The following S100A7 variants were observed in gnomAD, a reference collection of about 807,000 sequenced individuals.
S100A7 encodes S100 calcium binding protein A7.
In S100A7, 2 loss-of-function variants were observed where a neutral mutation model predicts 3.8. The ratio of observed to expected loss-of-function variants is 0.53; its 90% CI spans 0.22 to 1.67. S100A7 has a LOEUF of 1.67. Among genes scored for constraint, S100A7 ranks in the 40% most tolerant of loss-of-function variants. The probability of loss-of-function intolerance (pLI) is 0.20; values close to 1 mark genes in which losing one functional copy is unlikely to be tolerated. For synonymous variants in S100A7, 55 were observed against 45.9 expected (o/e 1.20, Z -0.80); for missense variants, 130 against 126.3 (o/e 1.03, Z -0.14).
At position 153,458,449 on chromosome 1, in the gene S100A7, T is replaced by G. The variant is rs899723768; in HGVS notation, c.141+424A>C. Among the ~76,000 whole-genome samples the G allele has an allele frequency of 7.2e-5, 11 of 151,936 alleles. No individual in the cohort carries two copies. In the East Asian group the frequency reaches 9.7e-4, roughly 13 times the overall value. Reference sequence around the variant, plus strand: ...CCCTTTGGTACCTAGTAGCCCACAGTTTTTTTTCAGATTTGCTAATGAGTC... The same window carrying G: ...CCCTTTGGTACCTAGTAGCCCACAGGTTTTTTTCAGATTTGCTAATGAGTC... On this transcript the variant is annotated intron_variant, in intron 2 of 2. Coordinates refer to ENST00000368723, the MANE Select transcript of S100A7 (RefSeq NM_002963.4).
chr1:153,459,102 G>T, intron 1 of S100A7, 72 bp from the exon 2 acceptor site: 1 of 1,546,072 alleles, frequency 6.5e-7, no homozygotes, highest in South Asian at 1.2e-5. Flanking sequence ...GTGCTGGAAG[G>T]AGGGCTGAGG....
chr1:153,458,443 CCA>C (rs1663740338), intron 2 of S100A7, among the ~76,000 whole-genome samples: 1 of 152,114 alleles, frequency 6.6e-6, no homozygotes, highest in Admixed American at 6.5e-5. Context: ...ACCTAGTAGC[CCA>C]CAGTTTTTTT....
chr1:153,459,433 G>A (rs1212705356), intron 1 of S100A7, among the ~76,000 whole-genome samples: 3 of 152,228 alleles, frequency 2.0e-5, no homozygotes, highest in Non-Finnish European at 4.4e-5. Flanking sequence ...CGGGGTGACA[G>A]TCATGGGGGC....
At position 153,457,916 on chromosome 1, in the gene S100A7, C is replaced by T. The variant is rs1211035538; in HGVS notation, c.196G>A (p.Glu66Lys). ...ADVFEKKDKN[E>K]DKKIDFSEFL... ...TCAGAAAAATCAATCTTCTTATCCT[C>T]ATTCTTGTCCTTTTTCTCAAAGACA... The change falls in exon 3 of 3, where the codon GAG (glutamate) becomes AAG (lysine). Residue 66 changes from glutamate (E) to lysine (K), a missense_variant. Glu to Lys is a moderately conservative substitution (Grantham distance 56). Coordinates refer to ENST00000368723, the MANE Select transcript of S100A7 (RefSeq NM_002963.4). The T allele has an allele frequency of 1.9e-6, 3 of 1,614,064 alleles. No homozygotes were observed. The highest frequency in any genetic ancestry group is 2.5e-6 in the Non-Finnish European group (3 of 1,180,046).
intron 1 of S100A7, among the ~76,000 whole-genome samples, chr1:153,460,040 T>G (rs1213826637): frequency 2.0e-5 from 3 of 152,218 alleles, no homozygotes; most frequent in Non-Finnish European, 4.4e-5. Flanking sequence ...AGAGCTTTTT[T>G]GAATCTGAGG....
At chr1:153,460,140 C>T (rs112863917) in intron 1 of S100A7, among the ~76,000 whole-genome samples, 60 of 152,328 alleles carry the variant, frequency 3.9e-4, no homozygotes, top group African/African-American at 1.4e-3. Flanking sequence ...TTTCTCAATA[C>T]CTTACCCAGG....
chr1:153,459,589 G>A (rs1365035474), intron 1 of S100A7, among the ~76,000 whole-genome samples: 4 of 152,210 alleles, frequency 2.6e-5, no homozygotes, highest in Admixed American at 6.5e-5. Context: ...GTGGACGTGA[G>A]TGTTAGCAGG....
Position 153,457,844 on chromosome 1 carries a change from T to C in S100A7, c.268A>G (p.Ser90Gly), listed in dbSNP as rs1452118730. The change falls in exon 3 of 3, where the codon AGC becomes GGC. Residue 90 changes from serine (S) to glycine (G), a missense_variant. Physicochemically the swap from Ser to Gly is moderately conservative, Grantham distance 56. Coordinates refer to ENST00000368723, the MANE Select transcript of S100A7 (RefSeq NM_002963.4). ...GDIATDYHKQ[S>G]HGAAPCSGGS... is the part of the protein sequence containing the mutation. ...CCGGAACAGGGCGCTGCTCCATGGC[T>C]CTGCTTGTGGTAGTCTGTGGCTATG... 4.3e-6 allele frequency: 7 copies of C among 1,614,180 alleles called. No individual in the cohort carries two copies. The highest frequency in any genetic ancestry group is 5.9e-6 in the Non-Finnish European group (7 of 1,180,030).
intron 2 of S100A7, among the ~76,000 whole-genome samples, chr1:153,458,505 T>C (rs1557869154): frequency 6.6e-6 from 1 of 152,172 alleles, no homozygotes; most frequent in African/African-American, 2.4e-5. Context: ...TATTGATTTC[T>C]ACTAACAATG....
intron 1 of S100A7, 137 bp downstream of exon 1, chr1:153,460,471 C>T (rs1430170449): frequency 1.7e-6 from 1 of 595,802 alleles, no homozygotes; most frequent in African/African-American, 1.8e-5. Flanking sequence ...GAAGGTCACA[C>T]AGCCCAGCTA....
chr1:153,459,042 A>G lies in S100A7; in HGVS notation c.-17-12T>C. 6.2e-7 allele frequency: 1 copy of G among 1,608,964 alleles called. No homozygotes were observed. The highest frequency in any genetic ancestry group is 8.5e-7 in the Non-Finnish European group (1 of 1,177,010). The stretch of plus-strand genomic sequence containing the variant: ...TGCTTTCAAAAAGCCTTCAGGAAAT[A>G]AAGACAATCATTTTTTTCCCTTCAT... On this transcript the variant is annotated splice_polypyrimidine_tract_variant and intron_variant, in intron 1 of 2. Coordinates refer to ENST00000368723, the MANE Select transcript of S100A7 (RefSeq NM_002963.4).
chr1:153,457,789 C>A lies in S100A7; in HGVS notation c.*17G>T. On this transcript the variant is annotated 3_prime_UTR_variant, in exon 3 of 3. Transcript: ENST00000368723. ...TATTGTTCCTGGGGTCTCTGGAGGC[C>A]CATTGGTGGGGCTGGGTCACTGGCT... 6.2e-7 allele frequency: 1 copy of A among 1,612,876 alleles called. No homozygotes were observed. Among genetic ancestry groups the A allele is most frequent in the Non-Finnish European group, 8.5e-7 (1 of 1,179,338 alleles).
intron 1 of S100A7, chr1:153,459,865 A>C (rs1663786238): frequency 6.6e-6 from 1 of 152,190 alleles, no homozygotes; most frequent in Non-Finnish European, 1.5e-5. Context: ...GCTGGCCTGC[A>C]CCCCAAGCCT....
chr1:153,458,799 G>A (rs1571203326), intron 2 of S100A7, 74 bp downstream of exon 2: 8 of 1,540,750 alleles, frequency 5.2e-6, no homozygotes, highest in Middle Eastern at 1.9e-4. Context: ...TTTAATCAGA[G>A]GGTGAGGGTG....
At chr1:153,458,448 GT>G (rs560512844) in intron 2 of S100A7, among the ~76,000 whole-genome samples, 1 of 151,800 alleles carries the variant, frequency 6.6e-6, no homozygotes, top group Non-Finnish European at 1.5e-5. Context: ...GTAGCCCACA[GT>G]TTTTTTTCAG....
intron 1 of S100A7, among the ~76,000 whole-genome samples, chr1:153,459,312 G>A (rs539125022): frequency 4.6e-5 from 7 of 152,286 alleles, no homozygotes; most frequent in East Asian, 3.9e-4. Context: ...AGGGAGAGTC[G>A]GGCGCCAGCA....
rs768191193 is a variant in S100A7, at chr1:153,459,157, T to C, written c.-17-127A>G. 471 of 1,173,014 alleles carry C rather than the reference T, an allele frequency of 4.0e-4. 1 individual carries two copies. The highest frequency in any genetic ancestry group is 5.0e-4 in the Non-Finnish European group (422 of 845,776). The allele number at this position is 1,173,014 out of a possible 1,614,324, so 72.7% of individuals were successfully genotyped here. A position where few individuals can be genotyped will look rare whatever the true frequency, so the allele number is the denominator to read the frequency against. On this transcript the variant is annotated intron_variant, in intron 1 of 2. Coordinates refer to ENST00000368723, the MANE Select transcript of S100A7 (RefSeq NM_002963.4). ...AAGGTGTAGCAGAACGAACTCAATT[T>C]TTTTTTAATGTGATGGGATAAGTTG... is the stretch of plus-strand genomic sequence containing the variant.
intron 2 of S100A7, among the ~76,000 whole-genome samples, chr1:153,458,390 C>T (rs895500079): frequency 2.0e-5 from 3 of 152,184 alleles, no homozygotes; most frequent in African/African-American, 4.8e-5. Flanking sequence ...CCACCAAACT[C>T]ATCTTCTGGG....
intron 2 of S100A7, among the ~76,000 whole-genome samples, chr1:153,458,671 A>G (rs1663744903): frequency 6.6e-6 from 1 of 152,142 alleles, no homozygotes; most frequent in South Asian, 2.1e-4. Flanking sequence ...TTTGCTGACC[A>G]TCTAATAACC....
Sources: allele counts gnomAD v4.1 joint callset (sites outside exome capture counted in the v4.1 genomes callset), GRCh38; gene constraint gnomAD v4.1.1; transcripts MANE v1.5; gene names NCBI Gene and HGNC (gene_info 2026-07-23, HGNC 2026-07-21).